Variants in CNTN1 observed in about 807,000 individuals in gnomAD.
CNTN1 encodes contactin-1.
In CNTN1, 38 loss-of-function variants were observed where a neutral mutation model predicts 126.4. The observed-to-expected ratio is 0.30, with a 90% CI of 0.23 to 0.39. The LOEUF is 0.39. Among genes scored for constraint, CNTN1 ranks in the 10% least tolerant of loss-of-function variants. The pLI is 1.00. For missense variants in CNTN1, 1,009 were observed against 1,248.4 expected, an observed-to-expected ratio of 0.81 and a Z score of 2.89; for synonymous variants, 413 against 422.6, an observed-to-expected ratio of 0.98 and a Z score of 0.28.
intron 16 of CNTN1, among the ~76,000 whole-genome samples, chr12:40,991,096 T>C (rs1411770987): frequency 1.3e-5 from 2 of 152,190 alleles, no homozygotes; most frequent in African/African-American, 4.8e-5. Context: ...ATTTACTCTC[T>C]CATAGTTTGG....
chr12:41,067,486 A>C (rs906294890), intron 23 of CNTN1, among the ~76,000 whole-genome samples: 10 of 152,098 alleles, frequency 6.6e-5, no homozygotes, highest in African/African-American at 2.4e-4. Context: ...AAAAGGCTTC[A>C]GAATGATGAT....
intron 1 of CNTN1, among the ~76,000 whole-genome samples, chr12:40,868,987 C>T (rs149102789): frequency 2.8e-4 from 43 of 151,638 alleles, no homozygotes; most frequent in African/African-American, 9.9e-4. Flanking sequence ...ACTACACTGT[C>T]ATTATTCATT....
chr12:40,961,768 A>AT (rs1592327416), intron 15 of CNTN1, among the ~76,000 whole-genome samples: 1 of 152,112 alleles, frequency 6.6e-6, no homozygotes. Context: ...TATTCACTTT[A>AT]TGCAAAAGAA....
At chr12:41,026,332 C>G (rs1949037358) in intron 21 of CNTN1, among the ~76,000 whole-genome samples, 1 of 152,110 alleles carries the variant, frequency 6.6e-6, no homozygotes, top group Admixed American at 6.5e-5. Flanking sequence ...AAACTTCAAA[C>G]AAACACAAAC....
chr12:40,855,271 G>A lies in CNTN1; in HGVS notation c.-76-53086G>A, dbSNP rs115377352. Among the ~76,000 whole-genome samples, 1,411 of 151,930 alleles carry A rather than the reference G, an allele frequency of 9.3e-3. 20 individuals carry two copies. The highest frequency in any genetic ancestry group is 0.032 in the African/African-American group (1,330 of 41,448). ...TAAACATTCATCATAAGTTTAAACC[G>A]TTGCAAAATGTAATTTTCAGCATAT... On this transcript the variant is annotated intron_variant, in intron 1 of 23. Coordinates refer to ENST00000551295, the MANE Select transcript of CNTN1 (RefSeq NM_001843.4).
In CNTN1 at chr12:40,727,414, T is replaced by G. The variant is rs548217735; in HGVS notation, c.-77+34822T>G. On this transcript the variant is annotated intron_variant, in intron 1 of 23. Coordinates refer to ENST00000551295, the MANE Select transcript of CNTN1 (RefSeq NM_001843.4). ...CATGGAATGTAGAGGATTCGTTTTA[T>G]AAATGGTAAGAAAATGTACATCACA... Among the ~76,000 whole-genome samples the G allele has an allele frequency of 7.3e-5, 11 of 151,506 alleles. No individual in the cohort carries two copies. In the South Asian group the frequency reaches 2.1e-3, roughly 29 times the overall value.
At chr12:40,952,006 C>T (rs1452946744) in intron 14 of CNTN1, among the ~76,000 whole-genome samples, 1 of 151,870 alleles carries the variant, frequency 6.6e-6, no homozygotes. Flanking sequence ...ATCTAGTTGG[C>T]TGGTTTATAG....
At chr12:40,738,683 A>G (rs904538843) in intron 1 of CNTN1, among the ~76,000 whole-genome samples, 1 of 152,064 alleles carries the variant, frequency 6.6e-6, no homozygotes, top group Non-Finnish European at 1.5e-5. Context: ...GTGAACAGGC[A>G]TATCAGAGAA....
chr12:40,752,895 T>C (rs1408211160), intron 1 of CNTN1, among the ~76,000 whole-genome samples: 1 of 152,126 alleles, frequency 6.6e-6, no homozygotes, highest in Non-Finnish European at 1.5e-5. Flanking sequence ...TTCAATCAAT[T>C]TATGTTATAA....
chr12:40,829,047 T>C (rs1941715040), intron 1 of CNTN1, among the ~76,000 whole-genome samples: 1 of 152,188 alleles, frequency 6.6e-6, no homozygotes, highest in African/African-American at 2.4e-5. Context: ...TTACAAAAAC[T>C]CTGTAAAACT....
intron 14 of CNTN1, among the ~76,000 whole-genome samples, chr12:40,947,828 C>CACACAT (rs1183593623): frequency 1.4e-5 from 2 of 142,910 alleles, no homozygotes; most frequent in African/African-American, 5.2e-5. Context: ...CACACACACA[C>CACACAT]ATATGTATTA....
intron 1 of CNTN1, among the ~76,000 whole-genome samples, chr12:40,803,620 C>A (rs1940734337): frequency 6.6e-6 from 1 of 152,012 alleles, no homozygotes; most frequent in South Asian, 2.1e-4. Flanking sequence ...TGAAGACCCC[C>A]TTGTATGTAA....
chr12:40,804,932 A>C (rs2136491196), intron 1 of CNTN1, among the ~76,000 whole-genome samples: 1 of 152,064 alleles, frequency 6.6e-6, no homozygotes, highest in Non-Finnish European at 1.5e-5. Flanking sequence ...ATGGATTGAC[A>C]GTTGTCTTTA....
At chr12:40,904,514 C>T (rs1239593651) in intron 1 of CNTN1, among the ~76,000 whole-genome samples, 1 of 151,860 alleles carries the variant, frequency 6.6e-6, no homozygotes, top group African/African-American at 2.4e-5. Context: ...CTACAACCTC[C>T]AGCTCCTGGG....
chr12:40,726,247 A>G (rs180874098), intron 1 of CNTN1, among the ~76,000 whole-genome samples: 1 of 152,302 alleles, frequency 6.6e-6, no homozygotes, highest in East Asian at 1.9e-4. Context: ...ACAATTCAGA[A>G]ACTATGTTCT....
intron 1 of CNTN1, among the ~76,000 whole-genome samples, chr12:40,768,609 G>A (rs1939217212): frequency 1.3e-5 from 2 of 152,156 alleles, no homozygotes; most frequent in Admixed American, 6.5e-5. Flanking sequence ...GCTGATCACC[G>A]TGTTCCATGC....
chr12:40,827,727 G>C (rs1388354006), intron 1 of CNTN1, among the ~76,000 whole-genome samples: 2 of 151,892 alleles, frequency 1.3e-5, no homozygotes, highest in Non-Finnish European at 2.9e-5. Flanking sequence ...AGGGTTGGAG[G>C]CTTCTGCCTA....
At chr12:40,793,842 C>T (rs1940310764) in intron 1 of CNTN1, among the ~76,000 whole-genome samples, 1 of 151,916 alleles carries the variant, frequency 6.6e-6, no homozygotes, top group African/African-American at 2.4e-5. Flanking sequence ...TTATCACAGC[C>T]TTATAACATT....
At chr12:40,906,669 C>CTTTTT (rs111442544) in intron 1 of CNTN1, among the ~76,000 whole-genome samples, 12,279 of 100,172 alleles carry the variant, frequency 0.12, 2,314 homozygotes, top group Non-Finnish European at 0.17. Context: ...GTTTTTCATG[C>CTTTTT]TTTTTTTTTG....
Sources: gnomAD v4.1 joint callset for allele counts (sites outside exome capture counted in the v4.1 genomes callset) on GRCh38, gnomAD v4.1.1 for gene constraint, MANE v1.5 for transcripts, NCBI Gene and HGNC (gene_info 2026-07-23, HGNC 2026-07-21) for gene names.